Variants in MAP1A observed in about 807,000 individuals in gnomAD.
The protein encoded by MAP1A is microtubule associated protein 1A.
In MAP1A, 42 loss-of-function variants were observed where a neutral mutation model predicts 185.9. The observed-to-expected ratio is 0.23, with a 90% CI of 0.18 to 0.29. The LOEUF is 0.29. MAP1A is among the 10% of genes least tolerant of loss of function. The probability of loss-of-function intolerance (pLI) is 1.00; values close to 1 mark genes in which losing one functional copy is unlikely to be tolerated. For synonymous variants in MAP1A, 1,229 were observed against 1,335.9 expected (o/e 0.92, Z 1.74); for missense variants, 2,995 against 3,450.4 (o/e 0.87, Z 3.31).
At position 43,531,599 on chromosome 15, in the gene MAP1A, C is replaced by G. The variant is rs1349563884; in HGVS notation, c.*1375C>G. 6.5e-6 allele frequency: 1 copy of G among 152,802 alleles called. No individual in the cohort carries two copies. Among genetic ancestry groups the G allele is most frequent in the Non-Finnish European group, 1.5e-5 (1 of 68,132 alleles). 9.5% of individuals were successfully genotyped at this position (152,802 alleles called of 1,614,324 possible). On this transcript the variant is annotated 3_prime_UTR_variant, in exon 6 of 6. Transcript: ENST00000300231. Reference sequence around the variant, plus strand: ...GCCACCTCCAACTCTAACAATAAACCAAGTTCATTGCAGATAGTGTAGTGC... The same window carrying G: ...GCCACCTCCAACTCTAACAATAAACGAAGTTCATTGCAGATAGTGTAGTGC...
rs1181180442 is a variant in MAP1A, at chr15:43,528,976, A to C, written c.7503A>C (p.Thr2501=). 6.2e-6 allele frequency: 10 copies of C among 1,613,350 alleles called. No homozygotes were observed. Among genetic ancestry groups the C allele is most frequent in the Non-Finnish European group, 8.5e-6 (10 of 1,180,014 alleles). The change falls in exon 4 of 6, where the codon ACA becomes ACC. Residue 2501 remains threonine (T), a synonymous_variant. Coordinates refer to ENST00000300231, the MANE Select transcript of MAP1A (RefSeq NM_002373.6). The part of the protein sequence containing the change: ...PCPVTDETPP[T]SASDSGSSQS... Reference sequence around the variant, plus strand: ...CTGTGACTGATGAGACACCCCCTACATCAGCCAGTGACTCAGGCTCCTCAC... The same window carrying C: ...CTGTGACTGATGAGACACCCCCTACCTCAGCCAGTGACTCAGGCTCCTCAC...
chr15:43,529,020 C>G lies in MAP1A; in HGVS notation c.7547C>G (p.Pro2516Arg). Reference protein sequence around the residue: ...SGSSQSDSDVPPETEECPSIT... With the variant: ...SGSSQSDSDVRPETEECPSIT... The stretch of plus-strand genomic sequence containing the variant: ...TCCTCACAGTCAGATTCTGATGTCC[C>G]GCCAGAAACTGAGGAGTGTCCGTCC... The change falls in exon 4 of 6, where the codon CCG becomes CGG. Residue 2516 changes from proline (P) to arginine (R), a missense_variant. Around this residue, in one of 3 missense-constraint regions of MAP1A, gnomAD observed 2,728 missense variants for 2,986.0 expected, o/e 0.91. Transcript: ENST00000300231. This position sits in a 1 kb window ranked among gnomAD's most constrained non-coding sequence, Gnocchi z 4.3. 1.2e-6 allele frequency: 2 copies of G among 1,613,822 alleles called. No individual in the cohort carries two copies. The highest frequency in any genetic ancestry group is 1.7e-6 in the Non-Finnish European group (2 of 1,180,014).
At position 43,529,824 on chromosome 15, in the gene MAP1A, T is replaced by A. The variant is rs768406610; in HGVS notation, c.8210T>A (p.Leu2737Gln). Residue 2737 changes from leucine (L) to glutamine (Q), a missense_variant, in exon 5 of 6, where the codon CTG (leucine) becomes CAG (glutamine). Leu to Gln is a moderately radical substitution (Grantham distance 113). Transcript: ENST00000300231. This position sits in a 1 kb window ranked among gnomAD's most constrained non-coding sequence, Gnocchi z 4.3. ...PANGEPSRAV[L>Q]DALLEGKAQW... ...AATGGCGAGCCAAGCCGGGCTGTGCTGGATGCCCTGCTGGAGGGCAAGGCC... is the reference window on the plus strand; with the variant it reads ...AATGGCGAGCCAAGCCGGGCTGTGCAGGATGCCCTGCTGGAGGGCAAGGCC... 2 of 1,614,104 alleles carry A rather than the reference T, an allele frequency of 1.2e-6. No individual in the cohort carries two copies. The highest frequency in any genetic ancestry group is 1.7e-6 in the Non-Finnish European group (2 of 1,180,040).
Position 43,525,019 on chromosome 15 carries a change from C to G in MAP1A, c.3546C>G (p.His1182Gln), listed in dbSNP as rs2079336738. Residue 1182 changes from histidine (H) to glutamine (Q), a missense_variant, in exon 4 of 6, where the codon CAC becomes CAG. By Grantham distance (24) the His-to-Gln change is conservative. Around this residue, in one of 3 missense-constraint regions of MAP1A, gnomAD observed 2,728 missense variants for 2,986.0 expected, o/e 0.91. Transcript: ENST00000300231. ...GTGGCCTGACAGAACAGTACCTACA[C>G]AAAGACCGTTGGCCAGAGGTATCTC... ...SPCGLTEQYL[H>Q]KDRWPEVSPE... 6.2e-7 allele frequency: 1 copy of G among 1,614,070 alleles called. No individual in the cohort carries two copies. Among genetic ancestry groups the G allele is most frequent in the South Asian group, 1.1e-5 (1 of 91,092 alleles).
Position 43,521,340 on chromosome 15 carries a change from G to T in MAP1A, c.-134G>T, listed in dbSNP as rs780983573. ...TTCTTCTAGATTTCCCAATTGCTCA[G>T]CAATAGAGACCCTGGGATACAGGCC... On this transcript the variant is annotated 5_prime_UTR_variant, in exon 4 of 6. Transcript: ENST00000300231. This position sits in a 1 kb window ranked among gnomAD's most constrained non-coding sequence, Gnocchi z 4.6. 2.8e-5 allele frequency: 45 copies of T among 1,611,348 alleles called. 1 individual carries two copies. In the East Asian group the frequency reaches 1.0e-3, roughly 36 times the overall value.
chr15:43,523,756 G>A lies in MAP1A; in HGVS notation c.2283G>A (p.Glu761=). 1 of 1,614,100 alleles carries A rather than the reference G, an allele frequency of 6.2e-7. No homozygotes were observed. The highest frequency in any genetic ancestry group is 1.1e-5 in the South Asian group (1 of 91,080). Reference sequence around the variant, plus strand: ...AGGAGATCCATGATGAGCCGGAGGAGCGCCCAGCTCCACCCAGATTTCATA... The same window carrying A: ...AGGAGATCCATGATGAGCCGGAGGAACGCCCAGCTCCACCCAGATTTCATA... ...SDEEIHDEPE[E]RPAPPRFHTS... is the part of the protein sequence containing the mutation. Residue 761 remains glutamate, a synonymous_variant, in exon 4 of 6, where the codon GAG becomes GAA. Coordinates refer to ENST00000300231, the MANE Select transcript of MAP1A (RefSeq NM_002373.6).
rs779087223 is a variant in MAP1A, at chr15:43,528,663, C to G, written c.7190C>G (p.Ala2397Gly). Residue 2397 changes from alanine to glycine, a missense_variant, in exon 4 of 6, where the codon GCT (alanine) becomes GGT (glycine). By Grantham distance (60) the Ala-to-Gly change is moderately conservative. Coordinates refer to ENST00000300231, the MANE Select transcript of MAP1A (RefSeq NM_002373.6). ...GAACGTGGGGCCTGGCCTGAAGGAG[C>G]TGAGAGGAGCTCCCGGCCTGACACA... ...AWERGAWPEG[A>G]ERSSRPDTLL... 25 of 1,613,356 alleles carry G rather than the reference C, an allele frequency of 1.5e-5. No individual in the cohort carries two copies. The Admixed American group carries it at 4.2e-4, about 27-fold the overall frequency.
chr15:43,511,033 G>A (rs2079273347), exon 1 of MAP1A: 3 of 1,548,468 alleles, frequency 1.9e-6, no homozygotes, highest in Middle Eastern at 1.7e-4. Flanking sequence ...GCGTTGCCAT[G>A]GAGACAACTC....
At position 43,523,744 on chromosome 15, in the gene MAP1A, T is replaced by G; in HGVS notation, c.2271T>G (p.Asp757Glu). Residue 757 changes from aspartate to glutamate, a missense_variant, in exon 4 of 6, where the codon GAT becomes GAG. Transcript: ENST00000300231. ...EQTISDEEIH[D>E]EPEERPAPPR... ...CCATCTCAGATGAGGAGATCCATGA[T>G]GAGCCGGAGGAGCGCCCAGCTCCAC... 6.2e-7 allele frequency: 1 copy of G among 1,614,088 alleles called. No individual in the cohort carries two copies. The highest frequency in any genetic ancestry group is 8.5e-7 in the Non-Finnish European group (1 of 1,180,000).
In MAP1A at chr15:43,529,570, C is replaced by T. The variant is rs544291014; in HGVS notation, c.8035+62C>T. On this transcript the variant is annotated intron_variant, in intron 4 of 5. Transcript: ENST00000300231. This position sits in a 1 kb window ranked among gnomAD's most constrained non-coding sequence, Gnocchi z 4.3. ...TAGGGCTGGGTGTGGGCTGGTCAGA[C>T]TTCAGGAGTGGGACAGAGGGGAAGG... The T allele has an allele frequency of 6.2e-7, 1 of 1,603,982 alleles. No homozygotes were observed. Among genetic ancestry groups the T allele is most frequent in the Non-Finnish European group, 8.5e-7 (1 of 1,172,092 alleles).
Position 43,523,962 on chromosome 15 carries a change from C to T in MAP1A, c.2489C>T (p.Thr830Ile). 2 of 1,614,152 alleles carry T rather than the reference C, an allele frequency of 1.2e-6. No individual in the cohort carries two copies. The highest frequency in any genetic ancestry group is 1.7e-6 in the Non-Finnish European group (2 of 1,180,038). ...LAEEEHVSSA[T>I]SITECDKLSS... Reference sequence around the variant, plus strand: ...GAAGAGGAACATGTGTCCTCGGCCACTTCAATCACTGAGTGTGACAAACTT... The same window carrying T: ...GAAGAGGAACATGTGTCCTCGGCCATTTCAATCACTGAGTGTGACAAACTT... The change falls in exon 4 of 6, where the codon ACT (threonine) becomes ATT (isoleucine). Residue 830 changes from threonine to isoleucine, a missense_variant. Transcript: ENST00000300231.
At chr15:43,511,007 C>G in exon 1 of MAP1A, 1 of 1,545,548 alleles carries the variant, frequency 6.5e-7, no homozygotes, top group Non-Finnish European at 8.7e-7. Flanking sequence ...CGAGGCCGAG[C>G]CTGCGCGGCC....
rs1566978303 is a variant in MAP1A at position 43,525,635 on chromosome 15, T to C, written c.4162T>C (p.Tyr1388His). The C allele has an allele frequency of 1.2e-6, 2 of 1,614,242 alleles. No individual in the cohort carries two copies. Among genetic ancestry groups the C allele is most frequent in the Non-Finnish European group, 8.5e-7 (1 of 1,180,038 alleles). ...EVVEPKDTAI[Y>H]QKDEALHVKN... ...GGTAGAGCCGAAGGATACAGCCATC[T>C]ATCAGAAAGATGAGGCTCTGCATGT... is the stretch of plus-strand genomic sequence containing the variant. Residue 1388 changes from tyrosine to histidine, a missense_variant, in exon 4 of 6, where the codon TAT becomes CAT. Physicochemically the swap from Tyr to His is moderately conservative, Grantham distance 83 (BLOSUM62 2). Around this residue, in one of 3 missense-constraint regions of MAP1A, gnomAD observed 2,728 missense variants for 2,986.0 expected, o/e 0.91. Coordinates refer to ENST00000300231, the MANE Select transcript of MAP1A (RefSeq NM_002373.6).
chr15:43,524,407 A>T lies in MAP1A; in HGVS notation c.2934A>T (p.Gly978=), dbSNP rs771976591. 1 of 1,614,194 alleles carries T rather than the reference A, an allele frequency of 6.2e-7. No individual in the cohort carries two copies. Among genetic ancestry groups the T allele is most frequent in the South Asian group, 1.1e-5 (1 of 91,090 alleles). Reference sequence around the variant, plus strand: ...TACATCCAGGAGAACCAGCCCTTGGAGAAGCAGAGGAGCGGTGCCTTAGCC... The same window carrying T: ...TACATCCAGGAGAACCAGCCCTTGGTGAAGCAGAGGAGCGGTGCCTTAGCC... ...HALHPGEPAL[G]EAEERCLSPD... The change falls in exon 4 of 6, where the codon GGA becomes GGT. Residue 978 remains glycine, a synonymous_variant. Transcript: ENST00000300231.
upstream of MAP1A, among the ~76,000 whole-genome samples, chr15:43,516,484 G>C (rs2079297807): frequency 6.6e-6 from 1 of 152,148 alleles, no homozygotes; most frequent in African/African-American, 2.4e-5. Flanking sequence ...GAAGGCCTTA[G>C]GAGCTGGCCA....
chr15:43,527,497 C>G lies in MAP1A; in HGVS notation c.6024C>G (p.Gly2008=). ...TCTCAACCAAGGAGGCAGCTGCCGG[C>G]CGAAACACATCTGCAGAGAAGGAGC... ...PCLSTKEAAA[G]RNTSAEKELS... is the part of the protein sequence containing the mutation. The change falls in exon 4 of 6, where the codon GGC becomes GGG. Residue 2008 remains glycine (G), a synonymous_variant. Coordinates refer to ENST00000300231, the MANE Select transcript of MAP1A (RefSeq NM_002373.6). The G allele has an allele frequency of 6.2e-7, 1 of 1,614,090 alleles. No individual in the cohort carries two copies.
chr15:43,523,543 G>A lies in MAP1A; in HGVS notation c.2070G>A (p.Lys690=), dbSNP rs754171621. The A allele has an allele frequency of 3.1e-6, 5 of 1,614,184 alleles. No individual in the cohort carries two copies. The highest frequency in any genetic ancestry group is 1.1e-5 in the South Asian group (1 of 91,080). The change falls in exon 4 of 6, where the codon AAG becomes AAA. Residue 690 remains lysine (K), a synonymous_variant. Coordinates refer to ENST00000300231, the MANE Select transcript of MAP1A (RefSeq NM_002373.6). ...FYQKHMQEPL[K]VTPRSREAFG... is the part of the protein sequence containing the mutation. Reference sequence around the variant, plus strand: ...AAAAACATATGCAGGAACCCTTGAAGGTAACTCCAAGGAGCCGGGAGGCTT... The same window carrying A: ...AAAAACATATGCAGGAACCCTTGAAAGTAACTCCAAGGAGCCGGGAGGCTT...
Position 43,521,310 on chromosome 15 carries a change from T to C in MAP1A, c.-150-14T>C. ...CTAGTGACCTGATCAGGTTTCTATCTCCTATTCTTCTAGATTTCCCAATTG... is the reference window on the plus strand; with the variant it reads ...CTAGTGACCTGATCAGGTTTCTATCCCCTATTCTTCTAGATTTCCCAATTG... On this transcript the variant is annotated splice_polypyrimidine_tract_variant and intron_variant, in intron 3 of 5. Coordinates refer to ENST00000300231, the MANE Select transcript of MAP1A (RefSeq NM_002373.6). This position sits in a 1 kb window ranked among gnomAD's most constrained non-coding sequence, Gnocchi z 4.6. 1 of 1,591,272 alleles carries C rather than the reference T, an allele frequency of 6.3e-7. No individual in the cohort carries two copies. The highest frequency in any genetic ancestry group is 8.5e-7 in the Non-Finnish European group (1 of 1,170,096).
At position 43,528,900 on chromosome 15, in the gene MAP1A, G is replaced by A. The variant is rs1457846732; in HGVS notation, c.7427G>A (p.Arg2476Lys). ...LSTEEVRLVG[R>K]GGRRRVGGPG... ...ACTGAGGAAGTTCGGCTAGTAGGAA[G>A]AGGGGGGCGGCGCCGGGTAGGGGGG... Residue 2476 changes from arginine to lysine, a missense_variant, in exon 4 of 6, where the codon AGA becomes AAA. Physicochemically the swap from Arg to Lys is conservative, Grantham distance 26 (BLOSUM62 2). This residue lies in a region of MAP1A where 2,728 missense variants were observed against 2,986.0 expected (regional missense o/e 0.91). Coordinates refer to ENST00000300231, the MANE Select transcript of MAP1A (RefSeq NM_002373.6). 1 of 1,613,052 alleles carries A rather than the reference G, an allele frequency of 6.2e-7. No homozygotes were observed. Among genetic ancestry groups the A allele is most frequent in the African/African-American group, 1.3e-5 (1 of 74,926 alleles).
Sources: allele counts gnomAD v4.1 joint callset (sites outside exome capture counted in the v4.1 genomes callset), GRCh38; gene constraint gnomAD v4.1.1; regional missense constraint gnomAD v4.1.1; non-coding constraint Gnocchi (gnomAD v3.1); transcripts MANE v1.5; gene names NCBI Gene and HGNC (gene_info 2026-07-23, HGNC 2026-07-21).